Variants in PCSK6 observed in about 807,000 individuals in gnomAD.
PCSK6 encodes the protein paired basic amino acid cleaving enzyme 4.
In PCSK6, 85 loss-of-function variants were observed where a neutral mutation model predicts 123.3. The observed-to-expected ratio is 0.69, with a 90% CI of 0.58 to 0.83. The LOEUF is 0.83. Among genes scored for constraint, PCSK6 ranks in the 40% least tolerant of loss-of-function variants. The pLI, the probability that PCSK6 is intolerant of heterozygous loss-of-function variation, is 0.00. For synonymous variants in PCSK6, 508 were observed against 516.0 expected (o/e 0.98, Z 0.21); for missense variants, 1,191 against 1,282.3 (o/e 0.93, Z 1.09).
intron 4 of PCSK6, among the ~76,000 whole-genome samples, chr15:101,430,437 C>T (rs762977661): frequency 1.3e-4 from 20 of 152,200 alleles, no homozygotes; most frequent in Admixed American, 6.5e-5. Context: ...CCGAGTCACT[C>T]GTGTAAGTGG....
At chr15:101,373,958 T>C (rs538609728) in intron 11 of PCSK6, among the ~76,000 whole-genome samples, 49 of 152,336 alleles carry the variant, frequency 3.2e-4, no homozygotes, top group Middle Eastern at 6.8e-3. Context: ...TATTAACTTC[T>C]GAAACTGTGG....
At chr15:101,376,987 G>A (rs897348269) in intron 11 of PCSK6, among the ~76,000 whole-genome samples, 5 of 152,244 alleles carry the variant, frequency 3.3e-5, no homozygotes. Context: ...GGGGATGGGA[G>A]GGTGGCAGAC....
intron 1 of PCSK6, among the ~76,000 whole-genome samples, chr15:101,444,584 A>G (rs2056838990): frequency 6.6e-6 from 1 of 152,200 alleles, no homozygotes; most frequent in African/African-American, 2.4e-5. Flanking sequence ...ATGATTACAA[A>G]CATGGGTTTT....
chr15:101,371,154 C>A (rs1227602468), intron 11 of PCSK6, among the ~76,000 whole-genome samples: 2 of 152,154 alleles, frequency 1.3e-5, no homozygotes, highest in African/African-American at 4.8e-5. Context: ...TTGCAGCGAG[C>A]CGAGGTCGCA....
chr15:101,484,145 G>A (rs537657674), intron 1 of PCSK6, among the ~76,000 whole-genome samples: 1 of 152,138 alleles, frequency 6.6e-6, no homozygotes, highest in Admixed American at 6.5e-5. Flanking sequence ...AAATGTCTAG[G>A]CACAATTTTG....
chr15:101,328,966 G>A (rs1439199418), intron 15 of PCSK6, among the ~76,000 whole-genome samples: 1 of 152,214 alleles, frequency 6.6e-6, no homozygotes, highest in Non-Finnish European at 1.5e-5. Flanking sequence ...CATTCTCTGG[G>A]CAACCATGAT....
chr15:101,384,158 G>C, intron 10 of PCSK6, 164 bp downstream of exon 10: 4 of 1,421,940 alleles, frequency 2.8e-6, no homozygotes, highest in Non-Finnish European at 3.7e-6. Context: ...GTGAGCTTCC[G>C]GGATACTTTT....
intron 9 of PCSK6, among the ~76,000 whole-genome samples, chr15:101,388,402 G>T (rs191410252): frequency 6.6e-6 from 1 of 152,190 alleles, no homozygotes; most frequent in African/African-American, 2.4e-5. Flanking sequence ...ACTGCAGAGG[G>T]CTGGTTTGTT....
intron 1 of PCSK6, among the ~76,000 whole-genome samples, chr15:101,476,317 G>GA (rs1184742046): frequency 6.6e-5 from 10 of 152,132 alleles, no homozygotes; most frequent in Non-Finnish European, 1.3e-4. Flanking sequence ...GCAGAGTCAT[G>GA]AATAAGGATA....
chr15:101,475,941 G>A (rs945396712), intron 1 of PCSK6, among the ~76,000 whole-genome samples: 1 of 152,196 alleles, frequency 6.6e-6, no homozygotes, highest in African/African-American at 2.4e-5. Flanking sequence ...TGGGGGCAGT[G>A]TCAACTGGCA....
At chr15:101,356,722 T>A (rs1253439232) in intron 13 of PCSK6, among the ~76,000 whole-genome samples, 1 of 140,960 alleles carries the variant, frequency 7.1e-6, no homozygotes, top group African/African-American at 2.6e-5. Flanking sequence ...AATAAATAAA[T>A]AATATAGGTG....
intron 1 of PCSK6, among the ~76,000 whole-genome samples, chr15:101,451,038 G>A (rs566816566): frequency 2.6e-5 from 4 of 151,636 alleles, no homozygotes; most frequent in Non-Finnish European, 5.9e-5. Context: ...GAACCCTCAC[G>A]AGGGGAAAGG....
intron 13 of PCSK6, among the ~76,000 whole-genome samples, chr15:101,362,747 G>A (rs145469535): frequency 0.011 from 1,641 of 152,320 alleles, 31 homozygotes; most frequent in African/African-American, 0.038. Context: ...CCAAGGCCTA[G>A]AAAAGCTAAG....
chr15:101,349,815 A>C (rs2040844387), intron 13 of PCSK6, among the ~76,000 whole-genome samples: 1 of 152,144 alleles, frequency 6.6e-6, no homozygotes, highest in South Asian at 2.1e-4. Flanking sequence ...GCAGAGTGCC[A>C]TACAGATTCG....
At chr15:101,309,940 C>A (rs920967399) in intron 20 of PCSK6, among the ~76,000 whole-genome samples, 3 of 152,238 alleles carry the variant, frequency 2.0e-5, no homozygotes, top group Non-Finnish European at 4.4e-5. Flanking sequence ...GCCTCGGCTT[C>A]CACCTGCAGT....
intron 11 of PCSK6, among the ~76,000 whole-genome samples, chr15:101,371,077 G>C (rs1465600116): frequency 1.3e-5 from 2 of 152,138 alleles, no homozygotes; most frequent in Non-Finnish European, 2.9e-5. Flanking sequence ...CATGGTGGCG[G>C]GTGTCTGTAA....
At position 101,460,492 on chromosome 15, in the gene PCSK6, T is replaced by C. The variant is rs117058932; in HGVS notation, c.298-16832A>G. Among the ~76,000 whole-genome samples, 718 of 152,190 alleles carry C rather than the reference T, an allele frequency of 4.7e-3. 7 individuals carry two copies. The highest frequency in any genetic ancestry group is 0.022 in the East Asian group (112 of 5,180). ...CATAAGGGACAGGGGTAGCAGAGGG[T>C]CACCTAGACAAAAAGCCAATGGCAG... On this transcript the variant is annotated intron_variant, in intron 1 of 21. Transcript: ENST00000611716.
rs1220416212 is a variant in PCSK6 at position 101,443,547 on chromosome 15, ACT to A, written c.402+7_402+8del. 1 of 1,592,508 alleles carries A rather than the reference ACT, an allele frequency of 6.3e-7. No homozygotes were observed. The highest frequency in any genetic ancestry group is 8.6e-7 in the Non-Finnish European group (1 of 1,160,484). Reference sequence around the variant, plus strand: ...CCAGCCCTTAGGAAAGCATCCGGACACTCTGTACCTGGGGGTCCATTCTGAGG... The same window carrying A: ...CCAGCCCTTAGGAAAGCATCCGGACACTGTACCTGGGGGTCCATTCTGAGG... On this transcript the variant is annotated splice_region_variant and intron_variant, in intron 2 of 21. Coordinates refer to ENST00000611716, the MANE Select transcript of PCSK6 (RefSeq NM_002570.5).
At chr15:101,315,566 G>A (rs1456446268) in intron 19 of PCSK6, among the ~76,000 whole-genome samples, 1 of 152,274 alleles carries the variant, frequency 6.6e-6, no homozygotes, top group African/African-American at 2.4e-5. Context: ...AATGTGCCAC[G>A]ACAGGGACTA....
Sources: allele counts gnomAD v4.1 joint callset (sites outside exome capture counted in the v4.1 genomes callset), GRCh38; gene constraint gnomAD v4.1.1; transcripts MANE v1.5; gene names NCBI Gene and HGNC (gene_info 2026-07-23, HGNC 2026-07-21).